Variants in ATG4C observed in about 807,000 individuals in gnomAD.
ATG4C encodes the protein autophagy related 4C cysteine peptidase.
In ATG4C, 56 loss-of-function variants were observed where a neutral mutation model predicts 57.6. The observed-to-expected ratio is 0.97, with a 90% CI of 0.78 to 1.21. The LOEUF (loss-of-function observed/expected upper bound fraction) is 1.21, where lower values mean the gene tolerates loss of function less well. Ranked by LOEUF, ATG4C falls within the 50% of genes most tolerant of loss-of-function variation. The pLI, the probability that ATG4C is intolerant of heterozygous loss-of-function variation, is 0.00. For synonymous variants in ATG4C, 157 were observed against 174.1 expected, an observed-to-expected ratio of 0.90 and a Z score of 0.78; for missense variants, 595 against 529.8, an observed-to-expected ratio of 1.12 and a Z score of -1.21.
rs781552979 is a variant in ATG4C, at chr1:62,819,253, C to A, written c.643C>A (p.His215Asn). ...TTCCCCCTTGGCTCTTTTTGGCTTA[C>A]ATCAACTAATAGAATATGGAAAGAA... ...GDSPLALFGL[H>N]QLIEYGKKSG... The change falls in exon 5 of 11, where the codon CAT (histidine) becomes AAT (asparagine). Residue 215 changes from histidine to asparagine, a missense_variant. His to Asn is a moderately conservative substitution (Grantham distance 68). Coordinates refer to ENST00000317868, the MANE Select transcript of ATG4C (RefSeq NM_032852.4). The A allele has an allele frequency of 6.2e-7, 1 of 1,613,500 alleles. No individual in the cohort carries two copies. Among genetic ancestry groups the A allele is most frequent in the Non-Finnish European group, 8.5e-7 (1 of 1,179,682 alleles).
rs1665471444 is a variant in ATG4C, at chr1:62,821,219, G to A, written c.796+10G>A. 2 of 1,540,810 alleles carry A rather than the reference G, an allele frequency of 1.3e-6. No homozygotes were observed. Among genetic ancestry groups the A allele is most frequent in the African/African-American group, 1.4e-5 (1 of 72,138 alleles). Reference sequence around the variant, plus strand: ...GCACAAGATTGTACAGGTAAGGAATGTATATAATTCTAATCTTTGTTTTAT... The same window carrying A: ...GCACAAGATTGTACAGGTAAGGAATATATATAATTCTAATCTTTGTTTTAT... On this transcript the variant is annotated intron_variant, in intron 6 of 10. Coordinates refer to ENST00000317868, the MANE Select transcript of ATG4C (RefSeq NM_032852.4).
chr1:62,808,166 A>G (rs1415249669), intron 3 of ATG4C, among the ~76,000 whole-genome samples: 1 of 152,248 alleles, frequency 6.6e-6, no homozygotes, highest in Admixed American at 6.5e-5. Flanking sequence ...ACAGGACATG[A>G]TGACTTTGAT....
intron 10 of ATG4C, among the ~76,000 whole-genome samples, chr1:62,844,442 GTC>G (rs1666268940): frequency 6.6e-6 from 1 of 152,156 alleles, no homozygotes; most frequent in Non-Finnish European, 1.5e-5. Flanking sequence ...GGGTATATAA[GTC>G]TCTGAGTTTT....
intron 1 of ATG4C, among the ~76,000 whole-genome samples, chr1:62,789,827 AAAT>A (rs1664214686): frequency 1.3e-5 from 2 of 152,138 alleles, no homozygotes; most frequent in Admixed American, 1.3e-4. Context: ...AAAAAAAAAG[AAAT>A]AAAAGAAATG....
At chr1:62,785,716 C>T (rs1303884873) in intron 1 of ATG4C, among the ~76,000 whole-genome samples, 2 of 152,046 alleles carry the variant, frequency 1.3e-5, no homozygotes, top group East Asian at 1.9e-4. Context: ...CTTTTTTAAG[C>T]TATCAAGTAT....
intron 10 of ATG4C, among the ~76,000 whole-genome samples, chr1:62,855,063 G>T (rs373401720): frequency 6.6e-6 from 1 of 151,804 alleles, no homozygotes; most frequent in Non-Finnish European, 1.5e-5. Flanking sequence ...TGGCTGGAGA[G>T]GGGGGTGAAG....
At chr1:62,834,971 T>G in intron 9 of ATG4C, 119 bp downstream of exon 9, 1 of 765,148 alleles carries the variant, frequency 1.3e-6, no homozygotes, top group Non-Finnish European at 2.1e-6. Flanking sequence ...TAATCAATAT[T>G]TTACTGATCT....
At chr1:62,787,355 T>C (rs1386563758) in intron 1 of ATG4C, among the ~76,000 whole-genome samples, 2 of 152,212 alleles carry the variant, frequency 1.3e-5, no homozygotes, top group African/African-American at 4.8e-5. Flanking sequence ...TTAAACCATG[T>C]ATATGAATAG....
chr1:62,794,711 A>G lies in ATG4C; in HGVS notation c.-68-9008A>G, dbSNP rs111982484. Among the ~76,000 whole-genome samples, 356 of 152,312 alleles carry G rather than the reference A, an allele frequency of 2.3e-3. 1 individual carries two copies. The highest frequency in any genetic ancestry group is 4.1e-3 in the Non-Finnish European group (277 of 68,016). On this transcript the variant is annotated intron_variant, in intron 1 of 10. Transcript: ENST00000317868. ...CATATTTGCCACTTTTTAAAAAGAT[A>G]AGGAAAAGAATTTACAAACTGACCA...
chr1:62,831,317 C>G (rs961589313), intron 7 of ATG4C, among the ~76,000 whole-genome samples: 1 of 152,088 alleles, frequency 6.6e-6, no homozygotes, highest in Non-Finnish European at 1.5e-5. Context: ...TTCATTAGCC[C>G]TAAAAGAAAA....
At chr1:62,799,727 G>A (rs1484073107) in intron 1 of ATG4C, among the ~76,000 whole-genome samples, 1 of 151,890 alleles carries the variant, frequency 6.6e-6, no homozygotes. Context: ...TGAAAAATGG[G>A]GTATCCATTC....
chr1:62,810,537 T>C (rs962730584), intron 3 of ATG4C, among the ~76,000 whole-genome samples: 4 of 152,202 alleles, frequency 2.6e-5, no homozygotes, highest in African/African-American at 9.6e-5. Context: ...CTTTTGATGC[T>C]CAAATTGTCG....
At chr1:62,858,677 T>C (rs1666758642) in intron 10 of ATG4C, among the ~76,000 whole-genome samples, 2 of 152,128 alleles carry the variant, frequency 1.3e-5, no homozygotes, top group Non-Finnish European at 2.9e-5. Context: ...GGAAATGGTA[T>C]TTTAAGAAAG....
At chr1:62,850,889 TATATATATATATAC>T (rs1250580712) in intron 10 of ATG4C, among the ~76,000 whole-genome samples, 4 of 80,486 alleles carry the variant, frequency 5.0e-5, no homozygotes, top group African/African-American at 1.1e-4. Flanking sequence ...TATATATATA[TATATATATATATAC>T]ATACACATAC....
chr1:62,825,115 A>G (rs961463530), intron 6 of ATG4C, among the ~76,000 whole-genome samples: 1 of 151,946 alleles, frequency 6.6e-6, no homozygotes, highest in African/African-American at 2.4e-5. Flanking sequence ...AGGTATCTGT[A>G]GTCCCAGCTA....
chr1:62,815,246 CT>C (rs1665229378), intron 3 of ATG4C, among the ~76,000 whole-genome samples: 1 of 150,576 alleles, frequency 6.6e-6, no homozygotes, highest in Non-Finnish European at 1.5e-5. Context: ...TTATCATTCT[CT>C]TTTATCTCTT....
At position 62,819,136 on chromosome 1, in the gene ATG4C, A is replaced by G. The variant is rs746697613; in HGVS notation, c.526A>G (p.Ile176Val). Residue 176 changes from isoleucine (I) to valine (V), a missense_variant, in exon 5 of 11, where the codon ATT becomes GTT. Ile to Val is a conservative substitution (Grantham distance 29). Transcript: ENST00000317868. ...SGEREFKTPT[I>V]SLKETIGKYS... ...GGAAAGAGAATTCAAAACCCCAACA[A>G]TTTCTCTGAAGGAAACAATTGGGAA... 3 of 1,613,094 alleles carry G rather than the reference A, an allele frequency of 1.9e-6. No homozygotes were observed. In the African/African-American group the frequency reaches 4.0e-5, roughly 22 times the overall value.
chr1:62,803,943 C>A, intron 2 of ATG4C, 81 bp downstream of exon 2: 3 of 797,312 alleles, frequency 3.8e-6, no homozygotes, highest in South Asian at 2.0e-5. Flanking sequence ...AAGTCACTGA[C>A]AATTTCTTGA....
intron 1 of ATG4C, among the ~76,000 whole-genome samples, chr1:62,794,777 G>A (rs536290749): frequency 8.5e-5 from 13 of 152,148 alleles, no homozygotes; most frequent in African/African-American, 3.1e-4. Flanking sequence ...TAGAAGATTG[G>A]CAGGTATCGG....
Sources: gnomAD v4.1 joint callset for allele counts (sites outside exome capture counted in the v4.1 genomes callset) on GRCh38, gnomAD v4.1.1 for gene constraint, MANE v1.5 for transcripts, NCBI Gene and HGNC (gene_info 2026-07-23, HGNC 2026-07-21) for gene names.